Variants in RANBP17 observed in about 807,000 individuals in gnomAD.
The protein encoded by RANBP17 is RAN binding protein 17.
In RANBP17, 158 loss-of-function variants were observed where a neutral mutation model predicts 141.2. The observed-to-expected ratio is 1.12, with a 90% CI of 0.98 to 1.28. The LOEUF is 1.28. Among genes scored for constraint, RANBP17 ranks in the 50% most tolerant of loss-of-function variants. The pLI, the probability that RANBP17 is intolerant of heterozygous loss-of-function variation, is 0.00. For missense variants in RANBP17, 1,438 were observed against 1,290.7 expected, an observed-to-expected ratio of 1.11 and a Z score of -1.75; for synonymous variants, 430 against 450.0, an observed-to-expected ratio of 0.96 and a Z score of 0.56.
intron 14 of RANBP17, among the ~76,000 whole-genome samples, chr5:170,991,954 T>C (rs757099874): frequency 2.0e-4 from 31 of 152,060 alleles, no homozygotes; most frequent in Non-Finnish European, 4.0e-4. Context: ...GATTGATTTT[T>C]GGAGAAGAAT....
intron 3 of RANBP17, among the ~76,000 whole-genome samples, chr5:170,886,845 T>C (rs1769208099): frequency 6.6e-6 from 1 of 150,490 alleles, no homozygotes; most frequent in Non-Finnish European, 1.5e-5. Flanking sequence ...ATTTTTTTTC[T>C]AGAGATGGGG....
intron 24 of RANBP17, chr5:171,253,001 T>G (rs1765670511): frequency 1.3e-5 from 16 of 1,200,022 alleles, no homozygotes; most frequent in Non-Finnish European, 1.9e-5. Flanking sequence ...GGAACCGTGA[T>G]GAAGAGATAC....
At chr5:171,199,326 G>A (rs1018932209) in intron 18 of RANBP17, among the ~76,000 whole-genome samples, 13 of 152,056 alleles carry the variant, frequency 8.5e-5, no homozygotes, top group African/African-American at 1.7e-4. Context: ...AAAACACTGC[G>A]TCTCTGAGGC....
intron 9 of RANBP17, chr5:170,918,378 T>C (rs546432768): frequency 6.2e-6 from 1 of 160,126 alleles, no homozygotes; most frequent in Non-Finnish European, 1.3e-5. Flanking sequence ...TCCAGGTCCT[T>C]TGTTGACTTC....
chr5:171,283,896 T>C (rs1367536882), intron 25 of RANBP17, among the ~76,000 whole-genome samples: 1 of 152,250 alleles, frequency 6.6e-6, no homozygotes, highest in East Asian at 1.9e-4. Flanking sequence ...TTCTGTTTCT[T>C]GGTCTCTCTC....
chr5:170,941,416 A>G (rs1324229147), intron 12 of RANBP17, among the ~76,000 whole-genome samples: 2 of 152,180 alleles, frequency 1.3e-5, no homozygotes, highest in East Asian at 3.9e-4. Flanking sequence ...GGATACAGCA[A>G]AGATTTAAAA....
intron 14 of RANBP17, among the ~76,000 whole-genome samples, chr5:171,035,046 AG>A (rs1781782722): frequency 2.6e-5 from 4 of 152,226 alleles, no homozygotes; most frequent in African/African-American, 9.6e-5. Context: ...AAATTAAAAA[AG>A]AGTAAGTGCT....
chr5:170,904,936 G>A (rs114183954), intron 5 of RANBP17, among the ~76,000 whole-genome samples: 2,386 of 152,130 alleles, frequency 0.016, 61 homozygotes, highest in African/African-American at 0.055. Flanking sequence ...TATTCCAACC[G>A]TTAAGGAGGT....
At position 171,177,490 on chromosome 5, in the gene RANBP17, A is replaced by G. The variant is rs183970928; in HGVS notation, c.1866-5677A>G. On this transcript the variant is annotated intron_variant, in intron 16 of 27. Coordinates refer to ENST00000523189, the MANE Select transcript of RANBP17 (RefSeq NM_022897.5). ...CTTCCTGATACTCCATTAGACCACA[A>G]TTTGTACTTTATACTTGGGCCAAGG... Among the ~76,000 whole-genome samples, 137 of 152,174 alleles carry G rather than the reference A, an allele frequency of 9.0e-4. 1 individual carries two copies. Among genetic ancestry groups the G allele is most frequent in the East Asian group, 1.9e-4 (1 of 5,174 alleles).
chr5:170,891,422 G>A (rs1307964013), intron 3 of RANBP17, among the ~76,000 whole-genome samples: 1 of 152,184 alleles, frequency 6.6e-6, no homozygotes, highest in African/African-American at 2.4e-5. Flanking sequence ...GGATGGGTGG[G>A]GTTGATGATA....
At chr5:171,221,223 T>C (rs531425367) in intron 21 of RANBP17, among the ~76,000 whole-genome samples, 1 of 152,356 alleles carries the variant, frequency 6.6e-6, no homozygotes, top group Non-Finnish European at 1.5e-5. Context: ...TTACTGAAGT[T>C]GTATGCAGTG....
chr5:170,964,913 A>G (rs1776430851), intron 13 of RANBP17, among the ~76,000 whole-genome samples: 1 of 152,192 alleles, frequency 6.6e-6, no homozygotes, highest in African/African-American at 2.4e-5. Context: ...GTATATACCC[A>G]GTAATGGGAT....
At chr5:171,144,047 A>C (rs1757879355) in intron 14 of RANBP17, among the ~76,000 whole-genome samples, 1 of 152,142 alleles carries the variant, frequency 6.6e-6, no homozygotes, top group Non-Finnish European at 1.5e-5. Flanking sequence ...CAAGCTAAGG[A>C]AGGAAGGTTT....
At chr5:171,131,394 G>A (rs1756909229) in intron 14 of RANBP17, among the ~76,000 whole-genome samples, 1 of 152,210 alleles carries the variant, frequency 6.6e-6, no homozygotes, top group Non-Finnish European at 1.5e-5. Flanking sequence ...CTAGCTCACT[G>A]CTACTGTATT....
intron 13 of RANBP17, among the ~76,000 whole-genome samples, chr5:170,957,683 C>T (rs1236400143): frequency 6.6e-6 from 1 of 152,116 alleles, no homozygotes; most frequent in African/African-American, 2.4e-5. Context: ...TGTTTAAAAT[C>T]GCCCAGCTGT....
chr5:171,175,673 G>A (rs1454639745), intron 16 of RANBP17, among the ~76,000 whole-genome samples: 5 of 151,878 alleles, frequency 3.3e-5, no homozygotes, highest in South Asian at 2.1e-4. Context: ...ACAAACATAT[G>A]AAAAAAAGCT....
Position 170,924,436 on chromosome 5 carries a change from G to A in RANBP17, c.1354G>A (p.Glu452Lys), listed in dbSNP as rs1174121487. The A allele has an allele frequency of 1.9e-6, 3 of 1,613,410 alleles. No individual in the cohort carries two copies. In the African/African-American group the frequency reaches 4.0e-5, roughly 22 times the overall value. The change falls in exon 12 of 28, where the codon GAA (glutamate) becomes AAA (lysine). Residue 452 changes from glutamate (E) to lysine (K), a missense_variant. Transcript: ENST00000523189. ...LEQLCTVSRC[E>K]YEKTCALLVQ... ...GCAGTTGTGCACGGTCAGCAGATGT[G>A]AATATGAAAAGACATGTGCTCTTCT...
chr5:170,911,080 G>C lies in RANBP17; in HGVS notation c.706G>C (p.Asp236His). ...CTTTGACTTCATTGGCAGTTCAGCA[G>C]ATGAATCTGCAGATGATCTTTGCAC... ...LNFDFIGSSA[D>H]ESADDLCTVQ... The change falls in exon 7 of 28, where the codon GAT (aspartate) becomes CAT (histidine). Residue 236 changes from aspartate (D) to histidine (H), a missense_variant. By Grantham distance (81) the Asp-to-His change is moderately conservative. Transcript: ENST00000523189. 2 of 1,611,994 alleles carry C rather than the reference G, an allele frequency of 1.2e-6. No homozygotes were observed. Among genetic ancestry groups the C allele is most frequent in the Non-Finnish European group, 8.5e-7 (1 of 1,178,674 alleles).
At chr5:171,265,538 C>A (rs1441326142) in intron 24 of RANBP17, 143 bp from the exon 25 acceptor site, 2 of 764,316 alleles carry the variant, frequency 2.6e-6, no homozygotes, top group African/African-American at 1.8e-5. Context: ...CTCAAAAAAA[C>A]AAATTCCTGC....
Sources: allele counts gnomAD v4.1 joint callset (sites outside exome capture counted in the v4.1 genomes callset), GRCh38; gene constraint gnomAD v4.1.1; transcripts MANE v1.5; gene names NCBI Gene and HGNC (gene_info 2026-07-23, HGNC 2026-07-21).